The following HDAC4 variants were observed in gnomAD, a reference collection of about 807,000 sequenced individuals.
HDAC4 encodes the protein histone deacetylase 4, also known as histone deacetylase A.
In HDAC4, 16 loss-of-function variants were observed where a neutral mutation model predicts 135.1. The observed-to-expected ratio is 0.12, with a 90% CI of 0.08 to 0.18. The LOEUF (loss-of-function observed/expected upper bound fraction) is 0.18, where lower values mean the gene tolerates loss of function less well. HDAC4 is among the 10% of genes least tolerant of loss of function. The pLI is 1.00. For synonymous variants in HDAC4, 685 were observed against 653.4 expected (o/e 1.05, Z -0.74); for missense variants, 1,143 against 1,511.8 (o/e 0.76, Z 4.05).
chr2:239,215,171 G>C (rs1347856697), intron 3 of HDAC4, among the ~76,000 whole-genome samples: 1 of 152,196 alleles, frequency 6.6e-6, no homozygotes. Context: ...ACAAGCCCTG[G>C]GGCGCTTGGA....
intron 3 of HDAC4, among the ~76,000 whole-genome samples, chr2:239,208,326 C>CAAAAAAAAAA (rs759398313): frequency 9.0e-4 from 61 of 68,116 alleles, no homozygotes; most frequent in African/African-American, 1.9e-3. Context: ...GACTCCGTCC[C>CAAAAAAAAAA]AAAAAAAAAA....
chr2:239,300,003 G>A (rs994412448), intron 2 of HDAC4, among the ~76,000 whole-genome samples: 43 of 152,184 alleles, frequency 2.8e-4, no homozygotes, highest in Admixed American at 1.3e-4. Flanking sequence ...ATCCGTAAGT[G>A]CCTTTCAATC....
intron 2 of HDAC4, among the ~76,000 whole-genome samples, chr2:239,280,010 C>A (rs13406466): frequency 6.6e-6 from 1 of 152,084 alleles, no homozygotes; most frequent in African/African-American, 2.4e-5. Flanking sequence ...TCCACTCCTG[C>A]GGAAGAGGAC....
chr2:239,162,500 G>A (rs1461574505), intron 6 of HDAC4: 5 of 375,306 alleles, frequency 1.3e-5, no homozygotes, highest in Non-Finnish European at 2.7e-5. Context: ...TCCAGGCAGT[G>A]GACTGGCTCT....
Position 239,240,708 on chromosome 2 carries a change from C to T in HDAC4, c.23-4044G>A, listed in dbSNP as rs918777239. ...ACACTGAGAGGGAGGCCGAGGAGCA[C>T]GGGTACCTCGTGTCCTCACCAGCAC... On this transcript the variant is annotated intron_variant, in intron 2 of 26. Transcript: ENST00000543185. The surrounding 1 kb of genome is among the most constrained non-coding windows in gnomAD (Gnocchi z 4.5). 2.2e-4 allele frequency among the ~76,000 whole-genome samples: 34 copies of T among 152,186 alleles called. No individual in the cohort carries two copies. Among genetic ancestry groups the T allele is most frequent in the Admixed American group, 6.5e-4 (10 of 15,288 alleles).
chr2:239,102,567 T>A (rs1342590669), intron 16 of HDAC4: 4 of 591,660 alleles, frequency 6.8e-6, no homozygotes, highest in Non-Finnish European at 9.0e-6. Context: ...CTCAGCCCAG[T>A]TTTTACACAA....
chr2:239,389,630 C>T (rs1028310534), intron 1 of HDAC4, among the ~76,000 whole-genome samples: 2 of 152,198 alleles, frequency 1.3e-5, no homozygotes, highest in African/African-American at 4.8e-5. Flanking sequence ...GTCCGCAGAG[C>T]GTTCAGTGTG....
rs771143548 is a variant in HDAC4 at position 239,111,587 on chromosome 2, G to C, written c.1917C>G (p.Pro639=). The change falls in exon 14 of 27, where the codon CCC becomes CCG. Residue 639 remains proline, a synonymous_variant. Transcript: ENST00000543185. ...HRPLSRAQSS[P]ASATFPVSVQ... ...CAGACACGGGGAAGGTGGCAGACGC[G>C]GGTGAGGACTGCGCCCGGGACAGAG... The C allele has an allele frequency of 6.2e-7, 1 of 1,611,970 alleles. No homozygotes were observed. The highest frequency in any genetic ancestry group is 2.2e-5 in the East Asian group (1 of 44,872).
chr2:239,090,104 T>G lies in HDAC4; in HGVS notation c.2293A>C (p.Thr765Pro). 6.2e-7 allele frequency: 1 copy of G among 1,609,474 alleles called. No individual in the cohort carries two copies. The highest frequency in any genetic ancestry group is 8.5e-7 in the Non-Finnish European group (1 of 1,176,206). Reference protein sequence around the residue: ...PCGGVGVDSDTIWNEVHSAGA... With the variant: ...PCGGVGVDSDPIWNEVHSAGA... The stretch of plus-strand genomic sequence containing the variant: ...GCCGAGTGCACCTCGTTCCATATGG[T>G]GTCACTGTCCACCTGTGGAAACAAC... Residue 765 changes from threonine (T) to proline (P), a missense_variant, in exon 18 of 27, where the codon ACC (threonine) becomes CCC (proline). Physicochemically the swap from Thr to Pro is conservative, Grantham distance 38 (BLOSUM62 -1). Coordinates refer to ENST00000543185, the MANE Select transcript of HDAC4 (RefSeq NM_001378414.1).
chr2:239,383,847 A>C (rs769586842), intron 1 of HDAC4, among the ~76,000 whole-genome samples: 2 of 152,236 alleles, frequency 1.3e-5, no homozygotes, highest in African/African-American at 4.8e-5. Context: ...GACAGGATGA[A>C]GCTCATCCAC....
intron 3 of HDAC4, among the ~76,000 whole-genome samples, chr2:239,211,226 ATATAT>A (rs752977961): frequency 2.0e-5 from 3 of 152,350 alleles, no homozygotes; most frequent in Non-Finnish European, 2.9e-5. Context: ...ACAGAAGAAA[ATATAT>A]TATTTCTTTC....
chr2:239,247,716 C>G (rs1467233358), intron 2 of HDAC4, among the ~76,000 whole-genome samples: 5 of 152,156 alleles, frequency 3.3e-5, no homozygotes, highest in Non-Finnish European at 4.4e-5. Flanking sequence ...AAGTAGCTCA[C>G]GAAAAATGAG....
chr2:239,224,195 G>A (rs2047119501), intron 3 of HDAC4, among the ~76,000 whole-genome samples: 1 of 152,226 alleles, frequency 6.6e-6, no homozygotes, highest in African/African-American at 2.4e-5. Context: ...CCCATCTGCA[G>A]GCTAAGGAAA....
At chr2:239,165,736 T>TAAAA (rs1231210333) in intron 5 of HDAC4, among the ~76,000 whole-genome samples, 1 of 152,238 alleles carries the variant, frequency 6.6e-6, no homozygotes, top group Non-Finnish European at 1.5e-5. Flanking sequence ...GCTCCGTGTG[T>TAAAA]GTGTGCATTT....
chr2:239,185,805 C>CAG (rs1395124208), intron 4 of HDAC4, among the ~76,000 whole-genome samples: 1 of 152,144 alleles, frequency 6.6e-6, no homozygotes, highest in African/African-American at 2.4e-5. Flanking sequence ...CTGATACAGG[C>CAG]AGATCACTTA....
At position 239,139,453 on chromosome 2, in the gene HDAC4, G is replaced by A. The variant is rs139511993; in HGVS notation, c.978+231C>T. 2.6e-4 allele frequency among the ~76,000 whole-genome samples: 40 copies of A among 152,258 alleles called. No homozygotes were observed. In the East Asian group the frequency reaches 7.3e-3, roughly 28 times the overall value. ...AAGGACCAGGCTCAGGGCTGTCCCC[G>A]ACGTGCCTGGAACTAGCGTGTTCAT... On this transcript the variant is annotated intron_variant, in intron 9 of 26. Transcript: ENST00000543185. This position sits in a 1 kb window ranked among gnomAD's most constrained non-coding sequence, Gnocchi z 5.3.
rs961807535 is a variant in HDAC4 at position 239,349,758 on chromosome 2, C to T, written c.22+2920G>A. 2.0e-5 allele frequency among the ~76,000 whole-genome samples: 3 copies of T among 152,240 alleles called. No homozygotes were observed. In the South Asian group the frequency reaches 6.2e-4, roughly 32 times the overall value. On this transcript the variant is annotated intron_variant, in intron 2 of 26. Coordinates refer to ENST00000543185, the MANE Select transcript of HDAC4 (RefSeq NM_001378414.1). This position sits in a 1 kb window ranked among gnomAD's most constrained non-coding sequence, Gnocchi z 5.7. ...GGGCAGACACGGCAGGGAAAGATGA[C>T]AGCGGACAGGGCAGAGGAGGCAGCC...
chr2:239,215,430 C>T (rs2046579632), intron 3 of HDAC4, among the ~76,000 whole-genome samples: 1 of 152,154 alleles, frequency 6.6e-6, no homozygotes, highest in Admixed American at 6.5e-5. Flanking sequence ...CCTGGGCTCC[C>T]TGCAGGCCAA....
Position 239,346,021 on chromosome 2 carries a change from T to C in HDAC4, c.22+6657A>G, listed in dbSNP as rs1412877350. Among the ~76,000 whole-genome samples, 165 of 108,136 alleles carry C rather than the reference T, an allele frequency of 1.5e-3. 1 individual carries two copies. The highest frequency in any genetic ancestry group is 5.9e-3 in the African/African-American group (156 of 26,460). The allele number at this position is 108,136 out of a possible 152,430, so 70.9% of individuals were successfully genotyped here. ...ACTTGCACTCACTCTCACACACACA[T>C]CCTAACACACATACACACCGTCTGA... On this transcript the variant is annotated intron_variant, in intron 2 of 26. Transcript: ENST00000543185.
Sources: gnomAD v4.1 joint callset for allele counts (sites outside exome capture counted in the v4.1 genomes callset) on GRCh38, gnomAD v4.1.1 for gene constraint, Gnocchi (gnomAD v3.1) non-coding constraint, MANE v1.5 for transcripts, NCBI Gene and HGNC (gene_info 2026-07-23, HGNC 2026-07-21) for gene names.